Variants in CDH8 observed in about 807,000 individuals in gnomAD.
The protein encoded by CDH8 is cadherin 8, also known as cadherin-8.
Under a neutral mutation model 68.1 loss-of-function variants are expected in CDH8, and 17 were observed. That is an observed-to-expected ratio of 0.25 (90% CI 0.17 to 0.37). The LOEUF (loss-of-function observed/expected upper bound fraction) is 0.37, where lower values mean the gene tolerates loss of function less well. Ranked by LOEUF, CDH8 falls within the 10% of genes least tolerant of loss-of-function variation. The pLI, the probability that CDH8 is intolerant of heterozygous loss-of-function variation, is 1.00. For missense variants in CDH8, 763 were observed against 999.3 expected (o/e 0.76, Z 3.19); for synonymous variants, 372 against 365.1 (o/e 1.02, Z -0.21).
chr16:61,741,975 T>C (rs928095916), intron 8 of CDH8, among the ~76,000 whole-genome samples: 2 of 152,170 alleles, frequency 1.3e-5, no homozygotes, highest in Admixed American at 6.5e-5. Flanking sequence ...CATTTTACAT[T>C]TGAATCTTTC....
chr16:61,676,880 A>C (rs116417481), intron 10 of CDH8, among the ~76,000 whole-genome samples: 1,547 of 152,164 alleles, frequency 0.01, 28 homozygotes, highest in African/African-American at 0.036. Flanking sequence ...GATTGACTGC[A>C]AAGAGAGATA....
In CDH8 at chr16:61,650,271, CA is replaced by C. The variant is rs1360664315; in HGVS notation, c.*3336del. ...AGACACTTTGCTAATATGATTTGAT[CA>C]AATCATAGGCAGAGTAGAGGCTGAA... On this transcript the variant is annotated 3_prime_UTR_variant, in exon 12 of 12. Transcript: ENST00000577390. 5 of 151,998 alleles carry C rather than the reference CA, an allele frequency of 3.3e-5. No homozygotes were observed. The highest frequency in any genetic ancestry group is 2.6e-4 in the Admixed American group (4 of 15,246). The allele number at this position is 151,998 out of a possible 1,614,324, so 9.4% of individuals were successfully genotyped here. A position where few individuals can be genotyped will look rare whatever the true frequency, so the allele number is the denominator to read the frequency against.
rs188289455 is a variant in CDH8 at position 61,981,694 on chromosome 16, G to C, written c.252+39458C>G. Among the ~76,000 whole-genome samples, 1,260 of 151,198 alleles carry C rather than the reference G, an allele frequency of 8.3e-3. 13 individuals carry two copies. The highest frequency in any genetic ancestry group is 0.049 in the East Asian group (255 of 5,166). On this transcript the variant is annotated intron_variant, in intron 2 of 11. Coordinates refer to ENST00000577390, the MANE Select transcript of CDH8 (RefSeq NM_001796.5). Reference sequence around the variant, plus strand: ...TGTGTGTGTGTGTGCGCGCGCGCGCGTGCGCTTGGGGCAGAAAGAGGAATG... The same window carrying C: ...TGTGTGTGTGTGTGCGCGCGCGCGCCTGCGCTTGGGGCAGAAAGAGGAATG...
Position 61,912,979 on chromosome 16 carries a change from T to A in CDH8, c.253-11506A>T, listed in dbSNP as rs959902488. Reference sequence around the variant, plus strand: ...CAATAAAAACTAATATTCAATTTTTTAAAAATACAGTGTAATAACTACTTA... The same window carrying A: ...CAATAAAAACTAATATTCAATTTTTAAAAAATACAGTGTAATAACTACTTA... On this transcript the variant is annotated intron_variant, in intron 2 of 11. Coordinates refer to ENST00000577390, the MANE Select transcript of CDH8 (RefSeq NM_001796.5). Among the ~76,000 whole-genome samples the A allele has an allele frequency of 5.9e-5, 9 of 152,176 alleles. No homozygotes were observed. The East Asian group carries it at 7.7e-4, about 13-fold the overall frequency.
chr16:61,954,700 C>CAAAAAAAAAAA, intron 2 of CDH8, among the ~76,000 whole-genome samples: 1 of 68,310 alleles, frequency 1.5e-5, no homozygotes, highest in Non-Finnish European at 3.0e-5. Context: ...GACTCCATCT[C>CAAAAAAAAAAA]AAAAAAAAAA....
At chr16:61,939,636 T>A (rs1330352593) in intron 2 of CDH8, among the ~76,000 whole-genome samples, 1 of 152,216 alleles carries the variant, frequency 6.6e-6, no homozygotes, top group South Asian at 2.1e-4. Context: ...TAGTAGCTAA[T>A]AAATCATTTG....
At chr16:61,787,364 A>C (rs1413060792) in intron 8 of CDH8, among the ~76,000 whole-genome samples, 4 of 147,212 alleles carry the variant, frequency 2.7e-5, no homozygotes, top group Non-Finnish European at 1.5e-5. Flanking sequence ...TAGCCATCAG[A>C]GAAATGCAAA....
intron 8 of CDH8, among the ~76,000 whole-genome samples, chr16:61,738,749 G>A (rs1304743888): frequency 6.6e-6 from 1 of 152,014 alleles, no homozygotes; most frequent in African/African-American, 2.4e-5. Context: ...TTACAAATTT[G>A]TTGTCCTCTG....
intron 8 of CDH8, among the ~76,000 whole-genome samples, chr16:61,787,846 A>G (rs1426387232): frequency 7.1e-6 from 1 of 139,920 alleles, no homozygotes; most frequent in Non-Finnish European, 1.5e-5. Context: ...CAAGAACAAA[A>G]AACCAAACAC....
intron 10 of CDH8, among the ~76,000 whole-genome samples, chr16:61,678,656 C>G (rs904748758): frequency 3.3e-5 from 5 of 151,998 alleles, no homozygotes; most frequent in African/African-American, 1.2e-4. Context: ...CTGGAGGTAT[C>G]ATGCTACCCG....
chr16:61,663,983 G>C (rs957596435), intron 10 of CDH8, among the ~76,000 whole-genome samples: 1 of 151,970 alleles, frequency 6.6e-6, no homozygotes, highest in Non-Finnish European at 1.5e-5. Context: ...CCCAAGGTCT[G>C]CATGGTTTAG....
At chr16:61,845,317 T>A (rs1038308786) in intron 4 of CDH8, among the ~76,000 whole-genome samples, 2 of 152,028 alleles carry the variant, frequency 1.3e-5, no homozygotes, top group Non-Finnish European at 2.9e-5. Context: ...AATTAGGCAA[T>A]CTCAATTTCT....
intron 2 of CDH8, among the ~76,000 whole-genome samples, chr16:62,004,531 G>T (rs995330965): frequency 1.3e-5 from 2 of 152,134 alleles, no homozygotes; most frequent in African/African-American, 4.8e-5. Context: ...AGCCACCGGG[G>T]TTATAACAAC....
intron 8 of CDH8, among the ~76,000 whole-genome samples, chr16:61,735,394 A>G (rs577201244): frequency 1.8e-4 from 28 of 152,286 alleles, no homozygotes; most frequent in Non-Finnish European, 2.2e-4. Flanking sequence ...GTTGTGCATA[A>G]TTATTTGAAT....
chr16:61,953,005 G>GGA lies in CDH8; in HGVS notation c.253-51533_253-51532insTC, dbSNP rs1163892397. Among the ~76,000 whole-genome samples the GGA allele has an allele frequency of 4.0e-4, 61 of 152,258 alleles. No homozygotes were observed. The East Asian group carries it at 0.01, about 26-fold the overall frequency. On this transcript the variant is annotated intron_variant, in intron 2 of 11. Coordinates refer to ENST00000577390, the MANE Select transcript of CDH8 (RefSeq NM_001796.5). ...CCCCATGTGAGGATGGTAGGAGGTAGGGCCTTTGGGAGGTGATTAGGTAAC... is the reference window on the plus strand; with the variant it reads ...CCCCATGTGAGGATGGTAGGAGGTAGGAGGCCTTTGGGAGGTGATTAGGTAAC...
chr16:61,930,829 G>A (rs1964529502), intron 2 of CDH8, among the ~76,000 whole-genome samples: 1 of 152,058 alleles, frequency 6.6e-6, no homozygotes, highest in South Asian at 2.1e-4. Context: ...GTAGTCTCTA[G>A]ATATTTGTCT....
At chr16:61,874,037 A>G (rs12102584) in intron 3 of CDH8, among the ~76,000 whole-genome samples, 78,154 of 151,774 alleles carry the variant, frequency 0.51, 21,615 homozygotes, top group African/African-American at 0.73. Context: ...GCCTGGGGCA[A>G]CAGAGTGGGA....
chr16:61,939,202 A>G (rs1298204475), intron 2 of CDH8, among the ~76,000 whole-genome samples: 3 of 152,216 alleles, frequency 2.0e-5, no homozygotes, highest in Admixed American at 2.0e-4. Context: ...GATAACAAAT[A>G]CTTCTATTTA....
chr16:61,855,112 A>C (rs749404882), intron 4 of CDH8, among the ~76,000 whole-genome samples: 2 of 152,130 alleles, frequency 1.3e-5, no homozygotes, highest in African/African-American at 4.8e-5. Flanking sequence ...TTCAAGTATC[A>C]TCTATCTCCA....
Sources: allele counts gnomAD v4.1 joint callset (sites outside exome capture counted in the v4.1 genomes callset), GRCh38; gene constraint gnomAD v4.1.1; transcripts MANE v1.5; gene names NCBI Gene and HGNC (gene_info 2026-07-23, HGNC 2026-07-21).